Variants in RASGRF2 observed in about 807,000 individuals in gnomAD.
RASGRF2 encodes the protein ras-specific guanine nucleotide-releasing factor 2.
Under a neutral mutation model 151.0 loss-of-function variants are expected in RASGRF2, and 76 were observed. The observed-to-expected ratio is 0.50, with a 90% CI of 0.42 to 0.61. The LOEUF is 0.61. RASGRF2 is among the 20% of genes least tolerant of loss of function. RASGRF2 has a pLI of 0.00. For synonymous variants in RASGRF2, 504 were observed against 566.5 expected (o/e 0.89, Z 1.57); for missense variants, 1,148 against 1,564.6 (o/e 0.73, Z 4.49).
chr5:81,075,172 A>C (rs1053531643), intron 5 of RASGRF2, among the ~76,000 whole-genome samples: 3 of 152,232 alleles, frequency 2.0e-5, no homozygotes, highest in African/African-American at 7.2e-5. Context: ...TAATGGAGGC[A>C]GTATAAGTAG....
intron 3 of RASGRF2, 43 bp from the exon 4 acceptor site, chr5:81,070,449 C>T: frequency 6.7e-7 from 1 of 1,487,684 alleles, no homozygotes; most frequent in Non-Finnish European, 9.4e-7. Context: ...GGCTATAATC[C>T]AGCATTTCCC....
intron 2 of RASGRF2, among the ~76,000 whole-genome samples, chr5:81,054,083 C>G (rs1367469661): frequency 6.6e-6 from 1 of 152,194 alleles, no homozygotes; most frequent in Non-Finnish European, 1.5e-5. Context: ...ATTGCCTGTT[C>G]ACTCTGATGG....
chr5:81,075,552 G>T (rs1320853169), intron 5 of RASGRF2, among the ~76,000 whole-genome samples: 1 of 152,154 alleles, frequency 6.6e-6, no homozygotes, highest in African/African-American at 2.4e-5. Flanking sequence ...CTCAACAGTT[G>T]GGATTTGTTG....
intron 1 of RASGRF2, among the ~76,000 whole-genome samples, chr5:81,021,993 G>T (rs115063255): frequency 6.6e-6 from 1 of 152,158 alleles, no homozygotes; most frequent in African/African-American, 2.4e-5. Flanking sequence ...TCTTCAGACC[G>T]GTTGGTGTCA....
intron 2 of RASGRF2, among the ~76,000 whole-genome samples, chr5:81,050,839 C>G (rs1328172326): frequency 6.6e-6 from 1 of 152,148 alleles, no homozygotes; most frequent in African/African-American, 2.4e-5. Flanking sequence ...TCCTTCAAAG[C>G]AAATTGTGTA....
chr5:81,159,092 T>C (rs1754323966), intron 17 of RASGRF2, among the ~76,000 whole-genome samples: 1 of 152,248 alleles, frequency 6.6e-6, no homozygotes, highest in Admixed American at 6.5e-5. Context: ...TTAATACACA[T>C]GAATATAAAT....
chr5:81,109,224 T>C (rs1208869646), intron 13 of RASGRF2, 146 bp downstream of exon 13: 1 of 1,382,112 alleles, frequency 7.2e-7, no homozygotes, highest in African/African-American at 1.4e-5. Context: ...TTCATATGAT[T>C]CCATTATAAA....
At chr5:81,035,624 A>T (rs187338729) in intron 1 of RASGRF2, among the ~76,000 whole-genome samples, 12,481 of 115,586 alleles carry the variant, frequency 0.11, 720 homozygotes, top group Non-Finnish European at 0.16. Flanking sequence ...AAACAAAATT[A>T]AAAAAAAAAC....
At chr5:81,092,750 C>T in intron 9 of RASGRF2, 51 bp from the exon 10 acceptor site, 1 of 1,538,202 alleles carries the variant, frequency 6.5e-7, no homozygotes, top group Non-Finnish European at 8.9e-7. Context: ...ACATGGTCCT[C>T]ACTTGACAGA....
chr5:80,992,392 T>C lies in RASGRF2; in HGVS notation c.288+31366T>C, dbSNP rs541239112. 1.1e-4 allele frequency among the ~76,000 whole-genome samples: 16 copies of C among 152,246 alleles called. 1 individual carries two copies. The East Asian group carries it at 2.7e-3, about 26-fold the overall frequency. ...CCCCATGCCTGTAGGGAATTGACTT[T>C]TTTGAGGGTTTCTGCAAGTTTACTC... On this transcript the variant is annotated intron_variant, in intron 1 of 26. Coordinates refer to ENST00000265080, the MANE Select transcript of RASGRF2 (RefSeq NM_006909.3).
At chr5:81,073,906 C>T (rs1751859719) in intron 5 of RASGRF2, among the ~76,000 whole-genome samples, 1 of 152,192 alleles carries the variant, frequency 6.6e-6, no homozygotes, top group Non-Finnish European at 1.5e-5. Context: ...CGTGAGCCAC[C>T]ACACCCAGCC....
chr5:81,177,825 A>G (rs1754810487), intron 17 of RASGRF2, among the ~76,000 whole-genome samples: 1 of 152,174 alleles, frequency 6.6e-6, no homozygotes, highest in South Asian at 2.1e-4. Flanking sequence ...AGGAGTGATA[A>G]TTGTTTCAGA....
intron 1 of RASGRF2, among the ~76,000 whole-genome samples, chr5:80,994,215 A>C (rs1208256254): frequency 6.6e-6 from 1 of 151,776 alleles, no homozygotes; most frequent in Non-Finnish European, 1.5e-5. Context: ...AATACAAAAA[A>C]ATTAGCCAGG....
At chr5:81,055,171 G>A (rs1253507521) in intron 2 of RASGRF2, among the ~76,000 whole-genome samples, 1 of 152,176 alleles carries the variant, frequency 6.6e-6, no homozygotes, top group Non-Finnish European at 1.5e-5. Context: ...ATGTTGAATA[G>A]GAGTGCTGAG....
At position 81,080,808 on chromosome 5, in the gene RASGRF2, A is replaced by G; in HGVS notation, c.1161+19A>G. On this transcript the variant is annotated intron_variant, in intron 7 of 26. Transcript: ENST00000265080. Reference sequence around the variant, plus strand: ...GTTTCAGGTAAGTCACTTGGGATGCATTTTGTAAGTCAGAGTTTCCAGCTC... The same window carrying G: ...GTTTCAGGTAAGTCACTTGGGATGCGTTTTGTAAGTCAGAGTTTCCAGCTC... 1 of 1,605,932 alleles carries G rather than the reference A, an allele frequency of 6.2e-7. No homozygotes were observed. The highest frequency in any genetic ancestry group is 1.3e-5 in the African/African-American group (1 of 74,848).
chr5:81,225,479 G>A (rs966757692), intron 26 of RASGRF2, among the ~76,000 whole-genome samples, 199 bp from the exon 27 acceptor site: 8 of 151,036 alleles, frequency 5.3e-5, no homozygotes, highest in Admixed American at 5.3e-4. Flanking sequence ...AGGTACCTGG[G>A]ATTGGGGGTT....
rs549039939 is a variant in RASGRF2 at position 81,210,480 on chromosome 5, T to C, written c.3157-1886T>C. On this transcript the variant is annotated intron_variant, in intron 22 of 26. Coordinates refer to ENST00000265080, the MANE Select transcript of RASGRF2 (RefSeq NM_006909.3). ...AGCCAAGTGATGGCCTTCCGTGTTA[T>C]GGCTACATGGCTGTGATCACAAGTG... 1.8e-3 allele frequency among the ~76,000 whole-genome samples: 270 copies of C among 152,330 alleles called. 2 individuals are homozygous for C. Among genetic ancestry groups the C allele is most frequent in the African/African-American group, 6.3e-3 (262 of 41,568 alleles).
intron 1 of RASGRF2, among the ~76,000 whole-genome samples, chr5:81,017,812 T>A (rs1749687401): frequency 6.6e-6 from 1 of 151,274 alleles, no homozygotes; most frequent in Non-Finnish European, 1.5e-5. Context: ...TCTAGACTTT[T>A]CTGGACAAGG....
At position 81,110,994 on chromosome 5, in the gene RASGRF2, T is replaced by C. The variant is rs748039753; in HGVS notation, c.1839-1616T>C. ...GAAAATGCTCTTTCAGGCCTGCAGA[T>C]GAAGTACTTCCATCTGCACTGAGCA... On this transcript the variant is annotated intron_variant, in intron 13 of 26. Coordinates refer to ENST00000265080, the MANE Select transcript of RASGRF2 (RefSeq NM_006909.3). Among the ~76,000 whole-genome samples, 78 of 152,332 alleles carry C rather than the reference T, an allele frequency of 5.1e-4. 1 individual carries two copies. Among genetic ancestry groups the C allele is most frequent in the South Asian group, 1.2e-3 (6 of 4,820 alleles).
Sources: allele counts gnomAD v4.1 joint callset (sites outside exome capture counted in the v4.1 genomes callset), GRCh38; gene constraint gnomAD v4.1.1; transcripts MANE v1.5; gene names NCBI Gene and HGNC (gene_info 2026-07-23, HGNC 2026-07-21).